Variants in CELF2 observed in about 807,000 individuals in gnomAD.
CELF2 encodes the protein CUG triplet repeat RNA-binding protein 2.
In CELF2, 8 loss-of-function variants were observed where a neutral mutation model predicts 62.6. The ratio of observed to expected loss-of-function variants is 0.13; its 90% CI spans 0.07 to 0.23. The LOEUF is 0.23. Ranked by LOEUF, CELF2 falls within the 10% of genes least tolerant of loss-of-function variation. CELF2 has a pLI of 1.00. For missense variants in CELF2, 333 were observed against 671.0 expected, an observed-to-expected ratio of 0.50 and a Z score of 5.56; for synonymous variants, 258 against 250.0, an observed-to-expected ratio of 1.03 and a Z score of -0.30.
chr10:11,049,510 C>G (rs549589692), intron 1 of CELF2, among the ~76,000 whole-genome samples: 1 of 137,704 alleles, frequency 7.3e-6, no homozygotes, highest in East Asian at 2.4e-4. Context: ...GATCTTCATT[C>G]CTGTTCCCTT....
chr10:10,529,791 C>A, the CELF2 span, among the ~76,000 whole-genome samples: 2 of 150,422 alleles, frequency 1.3e-5, no homozygotes, highest in Non-Finnish European at 2.9e-5. Context: ...TCAGTCAGAA[C>A]ACTAAATAAT....
At chr10:11,143,175 C>T (rs2061665594) in intron 1 of CELF2, among the ~76,000 whole-genome samples, 3 of 152,220 alleles carry the variant, frequency 2.0e-5, no homozygotes, top group African/African-American at 7.2e-5. Flanking sequence ...GGACACTTTT[C>T]CATTCCATAT....
chr10:11,256,805 G>A (rs1343148285), intron 4 of CELF2, among the ~76,000 whole-genome samples: 11 of 152,036 alleles, frequency 7.2e-5, no homozygotes, highest in Admixed American at 1.3e-4. Context: ...AAAATCTCCC[G>A]GGCCCTGTGA....
chr10:10,837,613 C>T (rs767957550), intron 1 of CELF2, among the ~76,000 whole-genome samples: 21 of 152,048 alleles, frequency 1.4e-4, no homozygotes, highest in African/African-American at 3.9e-4. Flanking sequence ...GGCATTTTCC[C>T]GACACAAAAT....
intron 1 of CELF2, among the ~76,000 whole-genome samples, chr10:11,114,088 G>A (rs1272070256): frequency 6.6e-6 from 1 of 152,104 alleles, no homozygotes; most frequent in African/African-American, 2.4e-5. Flanking sequence ...TGATTATTAT[G>A]TTCCTCCCTA....
intron 2 of CELF2, among the ~76,000 whole-genome samples, chr10:10,926,502 T>C (rs939000641): frequency 9.9e-5 from 15 of 152,186 alleles, no homozygotes; most frequent in African/African-American, 3.4e-4. Context: ...ACTCAGTCTG[T>C]GTGATTCTGT....
intron 1 of CELF2, among the ~76,000 whole-genome samples, chr10:11,042,495 C>A (rs1042970304): frequency 6.6e-6 from 1 of 152,170 alleles, no homozygotes; most frequent in African/African-American, 2.4e-5. Context: ...CCTGGTGTGT[C>A]TTTTCTTTTT....
chr10:10,725,466 A>G, the CELF2 span, among the ~76,000 whole-genome samples: 2 of 152,196 alleles, frequency 1.3e-5, no homozygotes, highest in Admixed American at 1.3e-4. Flanking sequence ...TGTAATGTAT[A>G]CTCACGGCTG....
At chr10:10,778,888 G>A in the CELF2 span, among the ~76,000 whole-genome samples, 8 of 152,120 alleles carry the variant, frequency 5.3e-5, no homozygotes, top group Non-Finnish European at 1.2e-4. Flanking sequence ...AAGGCATGGA[G>A]GATGTGACAT....
Position 11,328,414 on chromosome 10 carries a change from G to T in CELF2, c.1439-512G>T, listed in dbSNP as rs533602593. 1.3e-5 allele frequency among the ~76,000 whole-genome samples: 2 copies of T among 152,188 alleles called. No individual in the cohort carries two copies. Among genetic ancestry groups the T allele is most frequent in the African/African-American group, 4.8e-5 (2 of 41,508 alleles). On this transcript the variant is annotated intron_variant, in intron 12 of 12. Transcript: ENST00000633077. This position sits in a 1 kb window ranked among gnomAD's most constrained non-coding sequence, Gnocchi z 6.4. ...CTGTGTGACAGACGATGGAGAGCTC[G>T]AGTGACAGGCTGGGGCTTGGCAGTA...
rs767762357 is a variant in CELF2 at position 11,005,474 on chromosome 10, C to A, written c.53+34C>A. 6.2e-7 allele frequency: 1 copy of A among 1,613,746 alleles called. No individual in the cohort carries two copies. Among genetic ancestry groups the A allele is most frequent in the Non-Finnish European group, 8.5e-7 (1 of 1,179,742 alleles). ...TTGTGTCCTTTGTTTTTAATGCACG[C>A]TTTTCTAGTTTCTAGAGCTGGCTGA... On this transcript the variant is annotated intron_variant, in intron 1 of 12. Coordinates refer to the CELF2 transcript ENST00000416382. This position sits in a 1 kb window ranked among gnomAD's most constrained non-coding sequence, Gnocchi z 4.3.
the CELF2 span, among the ~76,000 whole-genome samples, chr10:10,678,639 C>T: frequency 5.3e-5 from 8 of 152,206 alleles, no homozygotes; most frequent in African/African-American, 1.9e-4. Context: ...AAATGCATCT[C>T]TGTGAGTGAA....
the CELF2 span, among the ~76,000 whole-genome samples, chr10:10,705,978 A>T: frequency 6.6e-6 from 1 of 152,050 alleles, no homozygotes; most frequent in Non-Finnish European, 1.5e-5. Context: ...GTCTTCCTTC[A>T]CTCACTGGTG....
At chr10:10,475,419 G>T in the CELF2 span, among the ~76,000 whole-genome samples, 1 of 151,138 alleles carries the variant, frequency 6.6e-6, no homozygotes, top group Non-Finnish European at 1.5e-5. Context: ...TGAAGGTACT[G>T]ACTTACCAAC....
intron 2 of CELF2, chr10:10,929,736 G>C (rs2065884379): frequency 6.6e-6 from 1 of 152,172 alleles, no homozygotes; most frequent in African/African-American, 2.4e-5. Flanking sequence ...AACAGTGTTT[G>C]CTCTTTATCT....
chr10:11,060,072 A>G (rs1383861979), intron 1 of CELF2, among the ~76,000 whole-genome samples: 1 of 152,220 alleles, frequency 6.6e-6, no homozygotes, highest in Non-Finnish European at 1.5e-5. Context: ...CTAGTAAGAG[A>G]GTTGGTGCTG....
intron 1 of CELF2, among the ~76,000 whole-genome samples, chr10:10,839,166 A>G (rs890405695): frequency 2.0e-5 from 3 of 152,114 alleles, no homozygotes; most frequent in Non-Finnish European, 4.4e-5. Context: ...ATTATATTAG[A>G]AACCAAGACC....
chr10:10,753,470 G>T, the CELF2 span, among the ~76,000 whole-genome samples: 1 of 152,080 alleles, frequency 6.6e-6, no homozygotes, highest in African/African-American at 2.4e-5. Flanking sequence ...CACTTAAAAG[G>T]AGAATATCCT....
intron 1 of CELF2, among the ~76,000 whole-genome samples, chr10:11,109,003 CAG>C (rs1491187200): frequency 1.3e-5 from 2 of 152,220 alleles, no homozygotes; most frequent in Non-Finnish European, 2.9e-5. Context: ...GCAGATCTGT[CAG>C]TGTGTACTCC....
Sources: allele counts gnomAD v4.1 joint callset (sites outside exome capture counted in the v4.1 genomes callset), GRCh38; gene constraint gnomAD v4.1.1; non-coding constraint Gnocchi (gnomAD v3.1); transcripts MANE v1.5; gene names NCBI Gene and HGNC (gene_info 2026-07-23, HGNC 2026-07-21).